LIPM: variants seen among roughly 807,000 people sequenced by gnomAD.
The protein encoded by LIPM is lipase family member M, also known as lipase member M.
In LIPM, 42 loss-of-function variants were observed where a neutral mutation model predicts 42.4. The ratio of observed to expected loss-of-function variants is 0.99; its 90% confidence interval spans 0.77 to 1.28. LIPM has a LOEUF of 1.28. Ranked by LOEUF, LIPM falls within the 50% of genes most tolerant of loss-of-function variation. The pLI is 0.00. For synonymous variants in LIPM, 177 were observed against 173.3 expected (o/e 1.02, Z -0.17); for missense variants, 524 against 520.1 (o/e 1.01, Z -0.07).
chr10:88,819,396 T>C (rs1379138441), intron 8 of LIPM, among the ~76,000 whole-genome samples: 1 of 152,098 alleles, frequency 6.6e-6, no homozygotes, highest in Non-Finnish European at 1.5e-5. Flanking sequence ...ACTAGCCCCA[T>C]AGAATTTTTC....
chr10:88,806,432 T>A (rs1448846754), intron 1 of LIPM, among the ~76,000 whole-genome samples: 1 of 152,132 alleles, frequency 6.6e-6, no homozygotes, highest in South Asian at 2.1e-4. Flanking sequence ...ACACATATCC[T>A]CTCAATAACT....
intron 2 of LIPM, among the ~76,000 whole-genome samples, chr10:88,809,180 C>T (rs1843624740): frequency 6.6e-6 from 1 of 152,062 alleles, no homozygotes; most frequent in Non-Finnish European, 1.5e-5. Context: ...GTCTTGAACT[C>T]CCGACCTCAG....
At position 88,817,879 on chromosome 10, in the gene LIPM, C is replaced by A. The variant is rs1314994116; in HGVS notation, c.985C>A (p.Leu329Met). Reference protein sequence around the residue: ...AFDWGSETKNLEKCNQPTPVR... With the variant: ...AFDWGSETKNMEKCNQPTPVR... ...TGACTGGGGGAGTGAGACCAAAAAT[C>A]TGGAAAAATGCAATCAGGTAAGAAA... The change falls in exon 8 of 9, where the codon CTG becomes ATG. Residue 329 changes from leucine to methionine, a missense_variant. Leu to Met is a conservative substitution (Grantham distance 15). Transcript: ENST00000404743. 1.9e-6 allele frequency: 3 copies of A among 1,551,222 alleles called. No homozygotes were observed. Among genetic ancestry groups the A allele is most frequent in the Non-Finnish European group, 2.6e-6 (3 of 1,146,676 alleles).
intron 8 of LIPM, among the ~76,000 whole-genome samples, chr10:88,819,036 C>T (rs139851238): frequency 2.6e-5 from 4 of 151,014 alleles, no homozygotes; most frequent in East Asian, 1.9e-4. Flanking sequence ...TACAGGTGCA[C>T]GCCACCATGC....
intron 1 of LIPM, among the ~76,000 whole-genome samples, chr10:88,807,219 C>T (rs1843599725): frequency 6.6e-6 from 1 of 152,190 alleles, no homozygotes; most frequent in South Asian, 2.1e-4. Flanking sequence ...TCCTAATTTA[C>T]AGATGCATGA....
chr10:88,820,496 T>A lies in LIPM; in HGVS notation c.1267T>A (p.Leu423Met), dbSNP rs1188880517. 2 of 1,549,876 alleles carry A rather than the reference T, an allele frequency of 1.3e-6. No individual in the cohort carries two copies. The highest frequency in any genetic ancestry group is 4.9e-5 in the East Asian group (2 of 40,920). The change falls in exon 9 of 9, where the codon TTG (leucine) becomes ATG (methionine). Residue 423 changes from leucine (L) to methionine (M), a missense_variant. Coordinates refer to ENST00000404743, the MANE Select transcript of LIPM (RefSeq NM_001128215.1). ...TTCCCAGGGACGGTGTGAGGCCGTA[T>A]TGTGAAGCATCTGACACTGACGATC... Reference protein sequence around the residue: ...NLSQGRCEAVL With the variant: ...NLSQGRCEAVM
chr10:88,812,849 T>C (rs1228302772), intron 2 of LIPM, among the ~76,000 whole-genome samples: 1 of 152,270 alleles, frequency 6.6e-6, no homozygotes, highest in Non-Finnish European at 1.5e-5. Context: ...AGATTCTTTT[T>C]CTGCCGGGCA....
At chr10:88,807,828 G>A (rs1843607363) in intron 1 of LIPM, among the ~76,000 whole-genome samples, 1 of 152,138 alleles carries the variant, frequency 6.6e-6, no homozygotes, top group African/African-American at 2.4e-5. Flanking sequence ...CATCTTATCT[G>A]TAACCTGAAG....
At chr10:88,816,052 T>C (rs2133060852) in intron 6 of LIPM, among the ~76,000 whole-genome samples, 1 of 152,336 alleles carries the variant, frequency 6.6e-6, no homozygotes, top group Non-Finnish European at 1.5e-5. Flanking sequence ...CAAGTAGTGA[T>C]GCAGTCTCAA....
chr10:88,820,510 A>T lies in LIPM; in HGVS notation c.*9A>T. ...GTGAGGCCGTATTGTGAAGCATCTG[A>T]CACTGACGATCTTAGGACAACCTCC... On this transcript the variant is annotated 3_prime_UTR_variant, in exon 9 of 9. Transcript: ENST00000404743. 1 of 1,547,452 alleles carries T rather than the reference A, an allele frequency of 6.5e-7. No homozygotes were observed.
chr10:88,816,923 C>G, intron 7 of LIPM, 36 bp downstream of exon 7: 3 of 1,457,894 alleles, frequency 2.1e-6, no homozygotes, highest in South Asian at 1.2e-5. Context: ...TGCTAAATGT[C>G]CTGTTATATT....
At chr10:88,817,602 T>C (rs1843732806) in intron 7 of LIPM, among the ~76,000 whole-genome samples, 1 of 152,196 alleles carries the variant, frequency 6.6e-6, no homozygotes, top group Admixed American at 6.5e-5. Context: ...GAGTTGCTAA[T>C]GCAATGATCA....
intron 8 of LIPM, among the ~76,000 whole-genome samples, chr10:88,819,556 G>A (rs1353050992): frequency 6.6e-6 from 1 of 152,188 alleles, no homozygotes; most frequent in Non-Finnish European, 1.5e-5. Flanking sequence ...TTAATCTCAA[G>A]GGCTCAGCCG....
intron 1 of LIPM, among the ~76,000 whole-genome samples, chr10:88,806,454 G>T (rs1452884662): frequency 6.6e-6 from 1 of 152,040 alleles, no homozygotes; most frequent in African/African-American, 2.4e-5. Context: ...CTTGTCAGAT[G>T]TCCTCCATTC....
intron 1 of LIPM, among the ~76,000 whole-genome samples, chr10:88,805,709 C>T (rs926594734): frequency 6.6e-6 from 1 of 152,208 alleles, no homozygotes; most frequent in Non-Finnish European, 1.5e-5. Context: ...TCTACAACAT[C>T]ATTTCACCTT....
intron 8 of LIPM, among the ~76,000 whole-genome samples, chr10:88,818,547 T>C (rs1485240805): frequency 1.3e-5 from 2 of 152,196 alleles, no homozygotes; most frequent in Non-Finnish European, 2.9e-5. Flanking sequence ...AGTGTGGAGA[T>C]TCAGAATTGC....
At position 88,813,109 on chromosome 10, in the gene LIPM, T is replaced by G; in HGVS notation, c.278T>G (p.Val93Gly). 1 of 1,594,878 alleles carries G rather than the reference T, an allele frequency of 6.3e-7. No homozygotes were observed. Among genetic ancestry groups the G allele is most frequent in the South Asian group, 1.1e-5 (1 of 88,976 alleles). Residue 93 changes from valine to glycine, a missense_variant, in exon 3 of 9, where the codon GTG becomes GGG. Coordinates refer to ENST00000404743, the MANE Select transcript of LIPM (RefSeq NM_001128215.1). ...VQPKKTGSRPVVLLQHGLVGG... is the reference protein window; with the variant it reads ...VQPKKTGSRPGVLLQHGLVGG... ...TCTCTTTTTGCAGGTTCCAGGCCTG[T>G]GGTGTTACTGCAGCATGGCCTAGTT...
chr10:88,815,025 A>T (rs1843700878), intron 4 of LIPM, 63 bp from the exon 5 acceptor site: 1 of 1,439,712 alleles, frequency 6.9e-7, no homozygotes, highest in East Asian at 2.5e-5. Context: ...TAAAAGCAAA[A>T]TATACATTTT....
chr10:88,817,629 C>T (rs1167058350), intron 7 of LIPM, among the ~76,000 whole-genome samples, 196 bp from the exon 8 acceptor site: 1 of 152,128 alleles, frequency 6.6e-6, no homozygotes, highest in Non-Finnish European at 1.5e-5. Flanking sequence ...TATGTAGTCC[C>T]TCTTTCTTCT....
Sources: allele counts gnomAD v4.1 joint callset (sites outside exome capture counted in the v4.1 genomes callset), GRCh38; gene constraint gnomAD v4.1.1; transcripts MANE v1.5; gene names NCBI Gene and HGNC (gene_info 2026-07-23, HGNC 2026-07-21).